Variants in EXOC4 observed in about 807,000 individuals in gnomAD.
EXOC4 encodes the protein SEC8-like 1.
EXOC4 carries 71 observed loss-of-function variants against 107.2 expected under a neutral mutation model. The ratio of observed to expected loss-of-function variants is 0.66; its 90% CI spans 0.55 to 0.81. The LOEUF (loss-of-function observed/expected upper bound fraction) is 0.81, where lower values mean the gene tolerates loss of function less well. Among genes scored for constraint, EXOC4 ranks in the 30% least tolerant of loss-of-function variants. The pLI is 0.00. For synonymous variants in EXOC4, 456 were observed against 441.2 expected (o/e 1.03, Z -0.42); for missense variants, 1,108 against 1,189.6 (o/e 0.93, Z 1.01).
intron 7 of EXOC4, among the ~76,000 whole-genome samples, chr7:133,405,774 A>G (rs1797202797): frequency 6.6e-6 from 1 of 152,226 alleles, no homozygotes; most frequent in Non-Finnish European, 1.5e-5. Flanking sequence ...AATAAAAGTT[A>G]TGTGAATATG....
At chr7:133,290,268 C>T (rs1794373468) in intron 3 of EXOC4, among the ~76,000 whole-genome samples, 1 of 152,068 alleles carries the variant, frequency 6.6e-6, no homozygotes, top group Non-Finnish European at 1.5e-5. Flanking sequence ...TGTACTCCAG[C>T]CTGGGCGATA....
intron 10 of EXOC4, among the ~76,000 whole-genome samples, chr7:133,664,676 T>A (rs1793772893): frequency 6.6e-6 from 1 of 152,174 alleles, no homozygotes; most frequent in Non-Finnish European, 1.5e-5. Flanking sequence ...TAGTTTCCCT[T>A]AGCCTCTGCT....
chr7:134,086,337 AG>A, the EXOC4 span, among the ~76,000 whole-genome samples: 4 of 152,220 alleles, frequency 2.6e-5, no homozygotes, highest in Non-Finnish European at 4.4e-5. Context: ...AAAATTCCAC[AG>A]TTGACCTCAT....
At chr7:133,862,663 T>C (rs996605976) in intron 11 of EXOC4, among the ~76,000 whole-genome samples, 1 of 152,196 alleles carries the variant, frequency 6.6e-6, no homozygotes, top group African/African-American at 2.4e-5. Context: ...CTAAGGTTTT[T>C]AGGATGTCTA....
chr7:133,360,656 G>A (rs902332031), intron 6 of EXOC4, among the ~76,000 whole-genome samples: 6 of 152,160 alleles, frequency 3.9e-5, no homozygotes, highest in Non-Finnish European at 4.4e-5. Flanking sequence ...GGAAAACATG[G>A]GAAAGAAATA....
intron 7 of EXOC4, among the ~76,000 whole-genome samples, chr7:133,463,238 C>T (rs1177131028): frequency 1.3e-5 from 2 of 152,152 alleles, no homozygotes; most frequent in Non-Finnish European, 2.9e-5. Context: ...CAACTAACTA[C>T]ACATTTTGAT....
intron 12 of EXOC4, among the ~76,000 whole-genome samples, chr7:133,906,678 C>T (rs1471195261): frequency 2.0e-5 from 3 of 152,264 alleles, no homozygotes; most frequent in East Asian, 1.9e-4. Context: ...GCTGAGCTTT[C>T]GCTCGCTGTC....
chr7:133,255,544 A>G (rs918715059), intron 1 of EXOC4, among the ~76,000 whole-genome samples: 2 of 152,192 alleles, frequency 1.3e-5, no homozygotes, highest in Non-Finnish European at 2.9e-5. Flanking sequence ...AGTTTTTACA[A>G]GCATGGTGTA....
chr7:133,832,765 T>TAAAAAAA (rs1345593095), intron 11 of EXOC4, among the ~76,000 whole-genome samples: 5 of 152,222 alleles, frequency 3.3e-5, no homozygotes, highest in African/African-American at 1.2e-4. Context: ...TTATAAACAC[T>TAAAAAAA]TATGTTTAGT....
At chr7:133,921,376 A>G (rs1799932119) in intron 13 of EXOC4, among the ~76,000 whole-genome samples, 1 of 152,224 alleles carries the variant, frequency 6.6e-6, no homozygotes, top group Non-Finnish European at 1.5e-5. Flanking sequence ...TCTTCTAGAA[A>G]CACCCTCACA....
chr7:133,961,632 T>G (rs1223261277), intron 14 of EXOC4, among the ~76,000 whole-genome samples: 1 of 152,126 alleles, frequency 6.6e-6, no homozygotes, highest in Non-Finnish European at 1.5e-5. Flanking sequence ...AGATAATAAA[T>G]GGATGTTGTT....
chr7:134,090,637 TC>T, the EXOC4 span, among the ~76,000 whole-genome samples: 3 of 152,076 alleles, frequency 2.0e-5, no homozygotes, highest in Admixed American at 6.5e-5. Context: ...CAGAGAAAGA[TC>T]CCCCTGTTGC....
intron 10 of EXOC4, among the ~76,000 whole-genome samples, chr7:133,802,465 G>A (rs982303845): frequency 1.3e-5 from 2 of 152,130 alleles, no homozygotes; most frequent in African/African-American, 2.4e-5. Context: ...TAGATATTTG[G>A]TAGGCTTACT....
chr7:133,555,388 T>C (rs1289850034), intron 9 of EXOC4, among the ~76,000 whole-genome samples: 1 of 152,182 alleles, frequency 6.6e-6, no homozygotes, highest in African/African-American at 2.4e-5. Context: ...TTTTTATTTC[T>C]TTAATAAAAT....
At chr7:133,882,014 TA>T (rs143362871) in intron 11 of EXOC4, among the ~76,000 whole-genome samples, 8 of 149,598 alleles carry the variant, frequency 5.3e-5, no homozygotes, top group Admixed American at 2.0e-4. Context: ...CACACTGCTC[TA>T]AAAAAAAAAT....
At position 134,065,510 on chromosome 7, in the gene EXOC4, C is replaced by T. The variant is rs1448208078; in HGVS notation, c.*982C>T. 3.3e-5 allele frequency: 5 copies of T among 152,322 alleles called. No homozygotes were observed. The highest frequency in any genetic ancestry group is 7.3e-5 in the Non-Finnish European group (5 of 68,166). 9.4% of individuals were successfully genotyped at this position (152,322 alleles called of 1,614,324 possible). On this transcript the variant is annotated 3_prime_UTR_variant, in exon 18 of 18. Coordinates refer to ENST00000253861, the MANE Select transcript of EXOC4 (RefSeq NM_021807.4). Reference sequence around the variant, plus strand: ...ATGTGGGCACTTACCATGTTCCTGGCACACTGGACCTCACCATGTCCCCCG... The same window carrying T: ...ATGTGGGCACTTACCATGTTCCTGGTACACTGGACCTCACCATGTCCCCCG...
intron 9 of EXOC4, among the ~76,000 whole-genome samples, chr7:133,613,355 A>G (rs1487626231): frequency 6.6e-6 from 1 of 152,204 alleles, no homozygotes; most frequent in Non-Finnish European, 1.5e-5. Context: ...CCTGTTGCTG[A>G]TACCGTGAGC....
At chr7:133,591,915 C>T (rs1480996501) in intron 9 of EXOC4, among the ~76,000 whole-genome samples, 1 of 152,144 alleles carries the variant, frequency 6.6e-6, no homozygotes, top group Non-Finnish European at 1.5e-5. Context: ...TGAGAGTGCC[C>T]TTTGAATCTG....
chr7:134,091,221 T>C, the EXOC4 span, among the ~76,000 whole-genome samples: 1 of 152,192 alleles, frequency 6.6e-6, no homozygotes, highest in Admixed American at 6.5e-5. Context: ...GGCTACTCCA[T>C]AGACAGAGCA....
Sources: gnomAD v4.1 joint callset for allele counts (sites outside exome capture counted in the v4.1 genomes callset) on GRCh38, gnomAD v4.1.1 for gene constraint, MANE v1.5 for transcripts, NCBI Gene and HGNC (gene_info 2026-07-23, HGNC 2026-07-21) for gene names.